EHMT1: variants seen among roughly 807,000 people sequenced by gnomAD.
The protein encoded by EHMT1 is euchromatic histone lysine methyltransferase 1.
EHMT1 carries 15 observed loss-of-function variants against 147.2 expected under a neutral mutation model. That is an observed-to-expected ratio of 0.10 (90% CI 0.07 to 0.16). The LOEUF (loss-of-function observed/expected upper bound fraction) is 0.16, where lower values mean the gene tolerates loss of function less well. Among genes scored for constraint, EHMT1 ranks in the 10% least tolerant of loss-of-function variants. EHMT1 has a pLI of 1.00. For synonymous variants in EHMT1, 795 were observed against 709.6 expected (o/e 1.12, Z -1.91); for missense variants, 1,587 against 1,772.4 (o/e 0.90, Z 1.88).
At chr9:137,630,637 G>A (rs539954891) in intron 1 of EHMT1, among the ~76,000 whole-genome samples, 134 of 152,258 alleles carry the variant, frequency 8.8e-4, no homozygotes, top group African/African-American at 3.0e-3. Flanking sequence ...AAAATTGGTG[G>A]TAATCAGTGA....
chr9:137,729,405 G>A (rs190199601), intron 4 of EHMT1, among the ~76,000 whole-genome samples: 4 of 152,190 alleles, frequency 2.6e-5, no homozygotes, highest in African/African-American at 7.2e-5. Context: ...TGGCTAACAC[G>A]GTGAAACCCC....
At chr9:137,706,908 G>GC (rs1055964660) in intron 1 of EHMT1, among the ~76,000 whole-genome samples, 6 of 151,014 alleles carry the variant, frequency 4.0e-5, no homozygotes, top group African/African-American at 1.5e-4. Context: ...TGCAACCTCC[G>GC]CCCCCGCCCA....
At chr9:137,823,291 G>A (rs1171504315) in intron 25 of EHMT1, among the ~76,000 whole-genome samples, 1 of 151,066 alleles carries the variant, frequency 6.6e-6, no homozygotes, top group African/African-American at 2.4e-5. Flanking sequence ...GTAGAGACAG[G>A]GTTTCACCGT....
At chr9:137,834,581 C>G in intron 26 of EHMT1, 57 bp downstream of exon 26, 10 of 1,604,998 alleles carry the variant, frequency 6.2e-6, no homozygotes, top group Non-Finnish European at 8.5e-6. Context: ...GTTTTAGGAA[C>G]GGGGCTCGCA....
chr9:137,711,336 G>A lies in EHMT1; in HGVS notation c.85+306G>A, dbSNP rs547657189. Among the ~76,000 whole-genome samples the A allele has an allele frequency of 4.1e-4, 62 of 152,148 alleles. 1 individual carries two copies. The highest frequency in any genetic ancestry group is 1.1e-3 in the African/African-American group (46 of 41,410). ...CAAATGTTTATAGCAGCATTGTCAC[G>A]TCGCCGAAAACCGGAGACACTCCGG... On this transcript the variant is annotated intron_variant, in intron 2 of 26. Transcript: ENST00000460843.
intron 25 of EHMT1, among the ~76,000 whole-genome samples, chr9:137,820,503 C>T (rs1350628680): frequency 6.6e-6 from 1 of 152,048 alleles, no homozygotes; most frequent in African/African-American, 2.4e-5. Flanking sequence ...TTTTTTTATT[C>T]TAGTTCAGTT....
In EHMT1 at chr9:137,648,471, A is replaced by G. The variant is rs535297935; in HGVS notation, c.21+29422A>G. On this transcript the variant is annotated intron_variant, in intron 1 of 26. Transcript: ENST00000460843. ...GAAGTTTCAGACCAGCCTGGGCAACATAGAGAGACTCCTTCTCTCCAAAAA... is the reference window on the plus strand; with the variant it reads ...GAAGTTTCAGACCAGCCTGGGCAACGTAGAGAGACTCCTTCTCTCCAAAAA... Among the ~76,000 whole-genome samples, 5 of 147,986 alleles carry G rather than the reference A, an allele frequency of 3.4e-5. No homozygotes were observed. In the South Asian group the frequency reaches 8.5e-4, roughly 25 times the overall value.
Position 137,776,047 on chromosome 9 carries a change from G to A in EHMT1, c.1792-571G>A, listed in dbSNP as rs1372485391. Among the ~76,000 whole-genome samples, 1 of 152,164 alleles carries A rather than the reference G, an allele frequency of 6.6e-6. No homozygotes were observed. The highest frequency in any genetic ancestry group is 1.5e-5 in the Non-Finnish European group (1 of 68,024). ...ACATGGGCCAAGAGCTTCCACTTTT[G>A]GGAGACTTTCTTTGGACTTCACACC... On this transcript the variant is annotated intron_variant, in intron 11 of 26. Coordinates refer to ENST00000460843, the MANE Select transcript of EHMT1 (RefSeq NM_024757.5). This position sits in a 1 kb window ranked among gnomAD's most constrained non-coding sequence, Gnocchi z 4.4.
intron 26 of EHMT1, 80 bp from the exon 27 acceptor site, chr9:137,834,693 T>C: frequency 6.2e-7 from 1 of 1,608,844 alleles, no homozygotes; most frequent in South Asian, 1.1e-5. Context: ...GAGGAAGCTT[T>C]GGCCTTGCCT....
In EHMT1 at chr9:137,710,987, G is replaced by A. The variant is rs370545724; in HGVS notation, c.42G>A (p.Glu14=). Residue 14 remains glutamate (E), a synonymous_variant, in exon 2 of 27, where the codon GAG becomes GAA. Transcript: ENST00000460843. ...AACAGGCAGTTCCGGCGAGGGGGGA[G>A]CCTCAGCAGGATTGCTGTGTGAAAA... is the stretch of plus-strand genomic sequence containing the variant. ...ADAEAVPARG[E]PQQDCCVKTE... is the part of the protein sequence containing the mutation. 2.5e-5 allele frequency: 40 copies of A among 1,598,740 alleles called. No individual in the cohort carries two copies. The highest frequency in any genetic ancestry group is 1.7e-5 in the Admixed American group (1 of 57,930).
chr9:137,639,029 A>G (rs1287904222), intron 1 of EHMT1, among the ~76,000 whole-genome samples: 2 of 152,184 alleles, frequency 1.3e-5, no homozygotes, highest in East Asian at 1.9e-4. Context: ...GCTGCTTCCT[A>G]TAAATGTTGA....
chr9:137,708,081 CAT>C (rs1362035767), intron 1 of EHMT1, among the ~76,000 whole-genome samples: 5 of 152,136 alleles, frequency 3.3e-5, no homozygotes, highest in African/African-American at 7.2e-5. Context: ...TAAAAGTAAA[CAT>C]GTAACATTTT....
intron 3 of EHMT1, among the ~76,000 whole-genome samples, chr9:137,721,065 G>C (rs983279655): frequency 1.3e-5 from 2 of 151,912 alleles, no homozygotes; most frequent in Non-Finnish European, 2.9e-5. Flanking sequence ...GCTTCTGTTG[G>C]GTGCGCTGGT....
At chr9:137,798,725 C>T in intron 16 of EHMT1, 88 bp from the exon 17 acceptor site, 1 of 1,052,856 alleles carries the variant, frequency 9.5e-7, no homozygotes, top group Non-Finnish European at 1.5e-6. Flanking sequence ...GCATGGTAGA[C>T]ACCGGGTTCT....
intron 1 of EHMT1, among the ~76,000 whole-genome samples, chr9:137,705,453 T>G (rs1944184580): frequency 6.6e-6 from 1 of 152,240 alleles, no homozygotes; most frequent in East Asian, 1.9e-4. Flanking sequence ...AAGCCAGTGT[T>G]TGAGTGAGAA....
chr9:137,752,708 C>T (rs3123514), intron 7 of EHMT1, among the ~76,000 whole-genome samples: 20,769 of 151,864 alleles, frequency 0.14, 3,304 homozygotes, highest in African/African-American at 0.39. Flanking sequence ...TGGTGGGAGC[C>T]GGCAGCAAGG....
chr9:137,643,715 A>G (rs1225970898), intron 1 of EHMT1, among the ~76,000 whole-genome samples: 8 of 152,094 alleles, frequency 5.3e-5, no homozygotes, highest in Non-Finnish European at 1.0e-4. Flanking sequence ...ATGAGGAACC[A>G]TTGCTCATCT....
At chr9:137,712,738 A>G (rs953418734) in intron 2 of EHMT1, among the ~76,000 whole-genome samples, 9 of 151,886 alleles carry the variant, frequency 5.9e-5, no homozygotes, top group African/African-American at 1.5e-4. Context: ...CCCTTTCTTG[A>G]TGGTGTCCTT....
chr9:137,648,191 A>G (rs1400722652), intron 1 of EHMT1, among the ~76,000 whole-genome samples: 1 of 152,198 alleles, frequency 6.6e-6, no homozygotes, highest in Non-Finnish European at 1.5e-5. Flanking sequence ...CCTTCAAGCA[A>G]TATTCTGTTT....
Sources: gnomAD v4.1 joint callset for allele counts (sites outside exome capture counted in the v4.1 genomes callset) on GRCh38, gnomAD v4.1.1 for gene constraint, Gnocchi (gnomAD v3.1) non-coding constraint, MANE v1.5 for transcripts, NCBI Gene and HGNC (gene_info 2026-07-23, HGNC 2026-07-21) for gene names.